TRIM16: variants seen among roughly 807,000 people sequenced by gnomAD.
TRIM16 encodes the protein tripartite motif-containing protein 16.
Under a neutral mutation model 50.4 loss-of-function variants are expected in TRIM16, and 33 were observed. The observed-to-expected ratio is 0.65, with a 90% confidence interval of 0.50 to 0.88. The LOEUF (loss-of-function observed/expected upper bound fraction) is 0.88. Ranked by LOEUF, TRIM16 falls within the 40% of genes least tolerant of loss-of-function variation. The pLI, the probability that TRIM16 is intolerant of heterozygous loss-of-function variation, is 0.00. For synonymous variants in TRIM16, 229 were observed against 270.7 expected, an observed-to-expected ratio of 0.85 and a Z score of 1.51; for missense variants, 581 against 686.8, an observed-to-expected ratio of 0.85 and a Z score of 1.72.
chr17:15,632,333 C>T (rs948084841), intron 10 of TRIM16, among the ~76,000 whole-genome samples, 176 bp downstream of exon 10: 4 of 151,906 alleles, frequency 2.6e-5, no homozygotes, highest in Admixed American at 6.6e-5. Flanking sequence ...GCTGAGATTG[C>T]GCCATTGCAC....
chr17:15,670,854 G>T (rs1287262280), intron 6 of TRIM16, among the ~76,000 whole-genome samples: 1 of 152,164 alleles, frequency 6.6e-6, no homozygotes, highest in Non-Finnish European at 1.5e-5. Context: ...GTATTTCTAG[G>T]GTTTTGTTTT....
chr17:15,630,150 C>A (rs1316751009), intron 11 of TRIM16, among the ~76,000 whole-genome samples: 1 of 152,130 alleles, frequency 6.6e-6, no homozygotes, highest in Non-Finnish European at 1.5e-5. Flanking sequence ...CCGTGCTGAC[C>A]TCAGACCTAC....
intron 7 of TRIM16, among the ~76,000 whole-genome samples, chr17:15,649,316 C>A (rs1987568456): frequency 6.6e-6 from 1 of 152,042 alleles, no homozygotes; most frequent in Non-Finnish European, 1.5e-5. Context: ...GAGATGGAGT[C>A]TCGCTCTGTC....
chr17:15,668,156 G>A (rs912362827), intron 6 of TRIM16, among the ~76,000 whole-genome samples: 3 of 152,120 alleles, frequency 2.0e-5, no homozygotes, highest in Admixed American at 1.3e-4. Flanking sequence ...CACTCCGTGG[G>A]ACCACTGTGC....
At chr17:15,656,797 G>A (rs642537) in intron 6 of TRIM16, among the ~76,000 whole-genome samples, 1 of 152,128 alleles carries the variant, frequency 6.6e-6, no homozygotes, top group Non-Finnish European at 1.5e-5. Context: ...TTGTCGCCCA[G>A]GCTGTAACGT....
rs572540702 is a variant in TRIM16 at position 15,628,665 on chromosome 17, C to T, written c.1645G>A (p.Gly549Arg). Residue 549 changes from glycine to arginine, a missense_variant, in exon 12 of 12, where the codon GGA becomes AGA. Gly to Arg is a moderately radical substitution (Grantham distance 125, BLOSUM62 -2). Coordinates refer to ENST00000649191, the MANE Select transcript of TRIM16 (RefSeq NM_001348119.1). ...GGTGCTGGCTTCTCGGGTTCCTCTCCCAGATCTACAATCCGGATGGCGTTT... is the reference window on the plus strand; with the variant it reads ...GGTGCTGGCTTCTCGGGTTCCTCTCTCAGATCTACAATCCGGATGGCGTTT... ...KENAIRIVDL[G>R]EEPEKPAPSL... 162 of 1,614,038 alleles carry T rather than the reference C, an allele frequency of 1.0e-4. No homozygotes were observed. The highest frequency in any genetic ancestry group is 1.3e-4 in the Non-Finnish European group (157 of 1,179,966).
In TRIM16 at chr17:15,677,251, T is replaced by C. The variant is rs1988989745; in HGVS notation, c.-413A>G. On this transcript the variant is annotated 5_prime_UTR_variant, in exon 6 of 12. Transcript: ENST00000649191. ...CTTACCACTTCTTCCAACTAGGAGA[T>C]GATACCAGGTTTGGAAAATGGAAAT... 1.0e-6 allele frequency: 1 copy of C among 985,348 alleles called. No homozygotes were observed. Among genetic ancestry groups the C allele is most frequent in the Non-Finnish European group, 1.2e-6 (1 of 829,960 alleles). 61.0% of individuals were successfully genotyped at this position (985,348 alleles called of 1,614,324 possible).
chr17:15,666,472 T>C (rs1236147706), intron 6 of TRIM16, among the ~76,000 whole-genome samples: 1 of 152,020 alleles, frequency 6.6e-6, no homozygotes, highest in East Asian at 1.9e-4. Flanking sequence ...GGTGAATGAG[T>C]TTTGACAAAT....
rs375598045 is a variant in TRIM16 at position 15,628,758 on chromosome 17, G to C, written c.1552C>G (p.Leu518Val). The change falls in exon 12 of 12, where the codon CTG becomes GTG. Residue 518 changes from leucine (L) to valine (V), a missense_variant. Leu to Val is a conservative substitution (Grantham distance 32). Transcript: ENST00000649191. The part of the protein sequence containing the change: ...FYGVEYDTMT[L>V]VHKFACKFSE... ...AATTTGCAGGCAAACTTGTGAACCA[G>C]AGTCATGGTATCATACTCTACGCCA... is the stretch of plus-strand genomic sequence containing the variant. The C allele has an allele frequency of 1.9e-6, 3 of 1,614,212 alleles. No individual in the cohort carries two copies. Among genetic ancestry groups the C allele is most frequent in the Non-Finnish European group, 2.5e-6 (3 of 1,180,042 alleles).
chr17:15,651,224 C>A lies in TRIM16; in HGVS notation c.386G>T (p.Arg129Leu). ...LTEPVKDHNW[R>L]YCPAHHSPLS... ...TGGGCTGTGGTGGGCAGGGCAGTAT[C>A]GCCAGTTGTGGTCCTTCACTGGCTC... Residue 129 changes from arginine to leucine, a missense_variant, in exon 7 of 12, where the codon CGA becomes CTA. Physicochemically the swap from Arg to Leu is moderately radical, Grantham distance 102 (BLOSUM62 -2). Around this residue, in one of 3 missense-constraint regions of TRIM16, gnomAD observed 450 missense variants for 544.3 expected, o/e 0.83. Coordinates refer to ENST00000649191, the MANE Select transcript of TRIM16 (RefSeq NM_001348119.1). 1.2e-6 allele frequency: 2 copies of A among 1,614,250 alleles called. No individual in the cohort carries two copies. Among genetic ancestry groups the A allele is most frequent in the African/African-American group, 1.3e-5 (1 of 75,064 alleles).
chr17:15,641,364 C>A (rs1329490727), intron 8 of TRIM16, among the ~76,000 whole-genome samples: 1 of 148,854 alleles, frequency 6.7e-6, no homozygotes, highest in African/African-American at 2.5e-5. Flanking sequence ...AAGGGAGCAA[C>A]AACTCTAGGT....
At chr17:15,644,677 G>A (rs146806704) in intron 7 of TRIM16, among the ~76,000 whole-genome samples, 345 of 151,686 alleles carry the variant, frequency 2.3e-3, no homozygotes, top group African/African-American at 8.0e-3. Context: ...TGAGGCTCTC[G>A]GGAGCCCCCT....
chr17:15,671,951 C>T (rs1988748483), intron 6 of TRIM16, among the ~76,000 whole-genome samples: 1 of 151,962 alleles, frequency 6.6e-6, no homozygotes, highest in African/African-American at 2.4e-5. Flanking sequence ...TGACAACTGC[C>T]TCTTAACTTA....
At chr17:15,647,379 ATACTTT>A (rs1987445256) in intron 7 of TRIM16, among the ~76,000 whole-genome samples, 1 of 152,366 alleles carries the variant, frequency 6.6e-6, no homozygotes, top group South Asian at 2.1e-4. Flanking sequence ...ATGAGCGTGG[ATACTTT>A]TGGCTCTAGA....
chr17:15,632,928 A>C, intron 9 of TRIM16: 1 of 387,218 alleles, frequency 2.6e-6, no homozygotes, highest in South Asian at 5.8e-5. Context: ...ATCAAGATGT[A>C]CTAGATGGCC....
rs139424949 is a variant in TRIM16 at position 15,635,462 on chromosome 17, T to C, written c.849+574A>G. Reference sequence around the variant, plus strand: ...TTACCTTTAATGTCTAATGATACATTGTAATGAAAAGCATTTGCTCTTCTG... The same window carrying C: ...TTACCTTTAATGTCTAATGATACATCGTAATGAAAAGCATTTGCTCTTCTG... On this transcript the variant is annotated intron_variant, in intron 9 of 11. Coordinates refer to ENST00000649191, the MANE Select transcript of TRIM16 (RefSeq NM_001348119.1). Among the ~76,000 whole-genome samples the C allele has an allele frequency of 3.7e-3, 550 of 147,950 alleles. 42 individuals carry two copies. The highest frequency in any genetic ancestry group is 0.013 in the African/African-American group (520 of 39,632).
chr17:15,679,122 G>A (rs1271631983), intron 4 of TRIM16, among the ~76,000 whole-genome samples: 4 of 152,040 alleles, frequency 2.6e-5, no homozygotes, highest in East Asian at 1.9e-4. Context: ...CAGGTGATCC[G>A]CCCACCTCGG....
intron 6 of TRIM16, among the ~76,000 whole-genome samples, chr17:15,668,379 C>T (rs1478505076): frequency 3.3e-5 from 5 of 152,168 alleles, no homozygotes; most frequent in Non-Finnish European, 7.4e-5. Context: ...ACCAGTTACT[C>T]CATCATAGCC....
Position 15,633,785 on chromosome 17 carries a change from C to A in TRIM16, c.850-1111G>T, listed in dbSNP as rs774631305. On this transcript the variant is annotated intron_variant, in intron 9 of 11. Transcript: ENST00000649191. ...TCAAACTCCTGACCTCATGATCTGC[C>A]GGCCATGGCCTCCCAAAGTGCTGGG... Among the ~76,000 whole-genome samples, 8 of 150,938 alleles carry A rather than the reference C, an allele frequency of 5.3e-5. No homozygotes were observed. In the South Asian group the frequency reaches 1.5e-3, roughly 28 times the overall value.
Sources: gnomAD v4.1 joint callset for allele counts (sites outside exome capture counted in the v4.1 genomes callset) on GRCh38, gnomAD v4.1.1 for gene constraint, gnomAD v4.1.1 regional missense constraint, MANE v1.5 for transcripts, NCBI Gene and HGNC (gene_info 2026-07-23, HGNC 2026-07-21) for gene names.